GABRB3: variants seen among roughly 807,000 people sequenced by gnomAD.
The protein encoded by GABRB3 is gamma-aminobutyric acid type A receptor subunit beta3.
In GABRB3, 14 loss-of-function variants were observed where a neutral mutation model predicts 52.1. The ratio of observed to expected loss-of-function variants is 0.27; its 90% CI spans 0.18 to 0.42. The LOEUF is 0.42. Among genes scored for constraint, GABRB3 ranks in the 10% least tolerant of loss-of-function variants. The pLI is 1.00. For synonymous variants in GABRB3, 260 were observed against 232.3 expected, an observed-to-expected ratio of 1.12 and a Z score of -1.08; for missense variants, 307 against 609.1, an observed-to-expected ratio of 0.50 and a Z score of 5.22.
chr15:26,567,855 C>T, intron 6 of GABRB3, 122 bp from the exon 7 acceptor site: 1 of 913,050 alleles, frequency 1.1e-6, no homozygotes, highest in Non-Finnish European at 1.8e-6. Flanking sequence ...GGGTGACCCA[C>T]CACCAAGCAG....
At chr15:26,757,219 T>C (rs1890687511) in intron 3 of GABRB3, among the ~76,000 whole-genome samples, 1 of 152,140 alleles carries the variant, frequency 6.6e-6, no homozygotes, top group Admixed American at 6.5e-5. Context: ...TTTCCATGCC[T>C]TCTAGTCTGC....
intron 7 of GABRB3, among the ~76,000 whole-genome samples, chr15:26,562,320 T>TATGCCACTG (rs1392808581): frequency 4.6e-5 from 7 of 152,212 alleles, no homozygotes; most frequent in African/African-American, 1.7e-4. Flanking sequence ...CTTTTCTACG[T>TATGCCACTG]ATGCCACTGA....
chr15:26,578,209 T>C (rs1393674266), intron 6 of GABRB3, among the ~76,000 whole-genome samples: 1 of 152,224 alleles, frequency 6.6e-6, no homozygotes, highest in Non-Finnish European at 1.5e-5. Context: ...TAACATTTAA[T>C]ATTAAAATAT....
intron 3 of GABRB3, among the ~76,000 whole-genome samples, chr15:26,634,909 A>AAATC (rs1555372920): frequency 1.9e-5 from 1 of 52,782 alleles, no homozygotes; most frequent in Non-Finnish European, 5.4e-5. Flanking sequence ...AATTATATAT[A>AAATC]TCTCTCTCCA....
chr15:26,661,295 T>A (rs1009214296), intron 3 of GABRB3, among the ~76,000 whole-genome samples: 1 of 152,004 alleles, frequency 6.6e-6, no homozygotes, highest in African/African-American at 2.4e-5. Context: ...CACATGCACA[T>A]ACACACATGC....
chr15:26,676,151 A>C (rs1453882868), intron 3 of GABRB3, among the ~76,000 whole-genome samples: 1 of 152,236 alleles, frequency 6.6e-6, no homozygotes, highest in Admixed American at 6.5e-5. Context: ...CACACCTTTC[A>C]AAGTTCCTGA....
At chr15:26,599,388 G>C (rs542410994) in intron 4 of GABRB3, among the ~76,000 whole-genome samples, 2 of 152,230 alleles carry the variant, frequency 1.3e-5, no homozygotes, top group African/African-American at 4.8e-5. Context: ...CCTAAACAGT[G>C]ACCCCACCTA....
chr15:26,687,004 A>G (rs1029686238), intron 3 of GABRB3, among the ~76,000 whole-genome samples: 1 of 152,348 alleles, frequency 6.6e-6, no homozygotes, highest in African/African-American at 2.4e-5. Flanking sequence ...GCTCTGGTGC[A>G]CCATGGGGCT....
chr15:26,709,660 G>A (rs1889229685), intron 3 of GABRB3, among the ~76,000 whole-genome samples: 2 of 151,622 alleles, frequency 1.3e-5, no homozygotes, highest in South Asian at 4.2e-4. Flanking sequence ...TGGGACTCCA[G>A]GTGCCCACCA....
chr15:26,667,007 AC>A (rs1410193186), intron 3 of GABRB3, among the ~76,000 whole-genome samples: 2 of 139,226 alleles, frequency 1.4e-5, no homozygotes, highest in African/African-American at 2.7e-5. Context: ...ACTGGTGCCC[AC>A]CCCCGTGCAC....
At chr15:26,700,118 CAG>C (rs888432230) in intron 3 of GABRB3, among the ~76,000 whole-genome samples, 2 of 151,482 alleles carry the variant, frequency 1.3e-5, no homozygotes, top group Admixed American at 6.6e-5. Context: ...ACAAACAAAA[CAG>C]AGAATAAACA....
At chr15:26,604,860 A>T (rs140680222) in intron 4 of GABRB3, among the ~76,000 whole-genome samples, 7 of 152,220 alleles carry the variant, frequency 4.6e-5, no homozygotes, top group African/African-American at 1.7e-4. Context: ...GTCTGGGAAA[A>T]AGAAAATATT....
intron 7 of GABRB3, among the ~76,000 whole-genome samples, chr15:26,562,075 C>A (rs1178447100): frequency 6.6e-6 from 1 of 152,074 alleles, no homozygotes; most frequent in Non-Finnish European, 1.5e-5. Flanking sequence ...CCTCCCATAG[C>A]AATAGACATA....
chr15:26,624,497 C>G (rs536227430), intron 3 of GABRB3: 1 of 985,448 alleles, frequency 1.0e-6, no homozygotes, highest in East Asian at 1.1e-4. Context: ...AGGAGCCCGG[C>G]TGTCACTCAC....
intron 4 of GABRB3, among the ~76,000 whole-genome samples, chr15:26,609,083 T>TACAC (rs146501591): frequency 4.2e-5 from 6 of 143,630 alleles, no homozygotes; most frequent in South Asian, 2.3e-4. Flanking sequence ...TTTTTAATGA[T>TACAC]ACACACACAC....
At chr15:26,712,380 G>A (rs2140131628) in intron 3 of GABRB3, among the ~76,000 whole-genome samples, 1 of 152,192 alleles carries the variant, frequency 6.6e-6, no homozygotes, top group South Asian at 2.1e-4. Flanking sequence ...TATGTAAGAA[G>A]CAGGGGAACC....
chr15:26,561,342 C>T (rs1254580631), intron 7 of GABRB3, among the ~76,000 whole-genome samples, 166 bp from the exon 8 acceptor site: 4 of 152,310 alleles, frequency 2.6e-5, no homozygotes, highest in Non-Finnish European at 2.9e-5. Context: ...TCATTTGCAC[C>T]GCACGTCACC....
intron 3 of GABRB3, among the ~76,000 whole-genome samples, chr15:26,661,460 G>C (rs553202271): frequency 6.6e-6 from 1 of 152,134 alleles, no homozygotes; most frequent in Admixed American, 6.6e-5. Flanking sequence ...GCACCTGTAT[G>C]CAAGACCCCT....
intron 3 of GABRB3, among the ~76,000 whole-genome samples, chr15:26,694,052 C>T (rs1888662946): frequency 6.6e-6 from 1 of 152,080 alleles, no homozygotes; most frequent in Admixed American, 6.5e-5. Flanking sequence ...AGTTTGAGAA[C>T]AGCCTGGGCA....
Sources: gnomAD v4.1 joint callset for allele counts (sites outside exome capture counted in the v4.1 genomes callset) on GRCh38, gnomAD v4.1.1 for gene constraint, MANE v1.5 for transcripts, NCBI Gene and HGNC (gene_info 2026-07-23, HGNC 2026-07-21) for gene names.